SEMA5A: variants seen among roughly 807,000 people sequenced by gnomAD.
SEMA5A encodes semaphorin-5A.
SEMA5A carries 55 observed loss-of-function variants against 135.5 expected under a neutral mutation model. That is an observed-to-expected ratio of 0.41 (90% CI 0.33 to 0.51). The LOEUF is 0.51. Ranked by LOEUF, SEMA5A falls within the 20% of genes least tolerant of loss-of-function variation. The probability of loss-of-function intolerance (pLI) is 0.37; values close to 1 mark genes in which losing one functional copy is unlikely to be tolerated. For missense variants in SEMA5A, 1,290 were observed against 1,419.9 expected (o/e 0.91, Z 1.47); for synonymous variants, 580 against 546.5 (o/e 1.06, Z -0.85).
At chr5:9,345,836 A>G (rs768491918) in intron 3 of SEMA5A, among the ~76,000 whole-genome samples, 1 of 152,176 alleles carries the variant, frequency 6.6e-6, no homozygotes, top group Non-Finnish European at 1.5e-5. Context: ...TACACAACAC[A>G]ATACATATTT....
intron 1 of SEMA5A, among the ~76,000 whole-genome samples, chr5:9,524,786 T>A (rs960504098): frequency 4.6e-5 from 7 of 152,202 alleles, no homozygotes; most frequent in African/African-American, 1.7e-4. Flanking sequence ...ATAAACACTT[T>A]TTTTGGGTGA....
At chr5:9,253,752 C>G (rs867365594) in intron 5 of SEMA5A, among the ~76,000 whole-genome samples, 1 of 152,116 alleles carries the variant, frequency 6.6e-6, no homozygotes, top group African/African-American at 2.4e-5. Flanking sequence ...TTTCAAGAAA[C>G]CTGAATCTGG....
chr5:9,311,778 A>G (rs1752148945), intron 5 of SEMA5A, among the ~76,000 whole-genome samples: 1 of 152,094 alleles, frequency 6.6e-6, no homozygotes, highest in South Asian at 2.1e-4. Context: ...AAGAAGAAAG[A>G]AGTTAATATC....
intron 5 of SEMA5A, among the ~76,000 whole-genome samples, chr5:9,301,287 G>A (rs903200179): frequency 6.6e-6 from 1 of 152,140 alleles, no homozygotes; most frequent in African/African-American, 2.4e-5. Context: ...ATAAATTTTA[G>A]GCAGCGAATT....
chr5:9,132,159 A>G (rs1187305066), intron 13 of SEMA5A, among the ~76,000 whole-genome samples: 1 of 152,200 alleles, frequency 6.6e-6, no homozygotes, highest in Non-Finnish European at 1.5e-5. Flanking sequence ...AGAAACCCAT[A>G]AACATTTTTA....
chr5:9,506,259 A>G (rs558749601), intron 1 of SEMA5A, among the ~76,000 whole-genome samples: 4 of 152,322 alleles, frequency 2.6e-5, no homozygotes, highest in African/African-American at 4.8e-5. Flanking sequence ...AGGAGTTGCT[A>G]AAGTTGCCCG....
chr5:9,119,243 G>C (rs984874807), intron 14 of SEMA5A, 102 bp from the exon 15 acceptor site: 23 of 1,370,244 alleles, frequency 1.7e-5, no homozygotes, highest in Middle Eastern at 2.3e-4. Context: ...GGAGGATCAC[G>C]CTTGGGGCTG....
chr5:9,488,547 T>C (rs1041063866), intron 1 of SEMA5A, among the ~76,000 whole-genome samples: 19 of 152,190 alleles, frequency 1.2e-4, no homozygotes, highest in African/African-American at 4.6e-4. Context: ...GGAAAATCAA[T>C]GACTAATCTC....
At chr5:9,451,161 C>G (rs1183615092) in intron 1 of SEMA5A, among the ~76,000 whole-genome samples, 1 of 152,178 alleles carries the variant, frequency 6.6e-6, no homozygotes, top group Admixed American at 6.5e-5. Flanking sequence ...TATCCTCTCT[C>G]AGATCAGCAG....
chr5:9,124,333 G>A (rs183328633), intron 13 of SEMA5A, among the ~76,000 whole-genome samples: 96 of 152,312 alleles, frequency 6.3e-4, no homozygotes, highest in African/African-American at 2.2e-3. Context: ...TGCTCAGGAG[G>A]TGGCAGTGCT....
At chr5:9,316,298 T>G (rs963800439) in intron 5 of SEMA5A, among the ~76,000 whole-genome samples, 3 of 152,190 alleles carry the variant, frequency 2.0e-5, no homozygotes, top group Admixed American at 6.5e-5. Context: ...CTTGCCCAAT[T>G]CTAGATTAAG....
At chr5:9,370,928 A>G (rs963604941) in intron 3 of SEMA5A, among the ~76,000 whole-genome samples, 2 of 152,250 alleles carry the variant, frequency 1.3e-5, no homozygotes, top group Non-Finnish European at 2.9e-5. Flanking sequence ...TATGACAAAC[A>G]GATGAATTGC....
At chr5:9,395,262 A>G (rs183812101) in intron 2 of SEMA5A, among the ~76,000 whole-genome samples, 1 of 152,294 alleles carries the variant, frequency 6.6e-6, no homozygotes, top group African/African-American at 2.4e-5. Context: ...AAAAGAAAAA[A>G]CTGGTTCAAA....
chr5:9,195,501 T>C (rs1745340549), intron 10 of SEMA5A, among the ~76,000 whole-genome samples: 2 of 152,222 alleles, frequency 1.3e-5, no homozygotes, highest in Admixed American at 1.3e-4. Flanking sequence ...AAATATTTTA[T>C]ACAGTAAACA....
At chr5:9,212,915 A>C (rs40677) in intron 8 of SEMA5A, among the ~76,000 whole-genome samples, 3 of 152,222 alleles carry the variant, frequency 2.0e-5, no homozygotes, top group African/African-American at 7.2e-5. Context: ...AAAAAATACC[A>C]TAAACTCGGC....
At chr5:9,500,532 A>T (rs1275922153) in intron 1 of SEMA5A, among the ~76,000 whole-genome samples, 1 of 152,154 alleles carries the variant, frequency 6.6e-6, no homozygotes, top group East Asian at 1.9e-4. Context: ...ATCCCACTCC[A>T]TCCTCAGGGA....
At chr5:9,373,120 G>A (rs1417230190) in intron 3 of SEMA5A, among the ~76,000 whole-genome samples, 5 of 152,120 alleles carry the variant, frequency 3.3e-5, no homozygotes, top group East Asian at 3.9e-4. Context: ...GAGTGAATAC[G>A]AGAAAGAGCC....
chr5:9,481,139 G>A (rs1487859702), intron 1 of SEMA5A, among the ~76,000 whole-genome samples: 1 of 152,108 alleles, frequency 6.6e-6, no homozygotes, highest in African/African-American at 2.4e-5. Flanking sequence ...TAGAGATGGA[G>A]TTTCACCATG....
rs1024240223 is a variant in SEMA5A at position 9,341,804 on chromosome 5, C to T, written c.125-3992G>A. ...AATCCAATTTTTACACATATATTTA[C>T]GTGATTGTTGAAATATGGTCTCCAG... On this transcript the variant is annotated intron_variant, in intron 3 of 22. Coordinates refer to ENST00000382496, the MANE Select transcript of SEMA5A (RefSeq NM_003966.3). 4.6e-5 allele frequency among the ~76,000 whole-genome samples: 7 copies of T among 151,254 alleles called. No individual in the cohort carries two copies. The South Asian group carries it at 6.2e-4, about 13-fold the overall frequency.
Sources: allele counts gnomAD v4.1 joint callset (sites outside exome capture counted in the v4.1 genomes callset), GRCh38; gene constraint gnomAD v4.1.1; transcripts MANE v1.5; gene names NCBI Gene and HGNC (gene_info 2026-07-23, HGNC 2026-07-21).